The following EEFSEC variants were observed in gnomAD, a reference collection of about 807,000 sequenced individuals.
EEFSEC encodes eukaryotic elongation factor, selenocysteine-tRNA specific.
A neutral mutation model predicts 42.1 loss-of-function variants in EEFSEC; 43 were observed. That is an observed-to-expected ratio of 1.02 (90% CI 0.80 to 1.32). The LOEUF is 1.32. Ranked by LOEUF, EEFSEC falls within the 40% of genes most tolerant of loss-of-function variation. The pLI, the probability that EEFSEC is intolerant of heterozygous loss-of-function variation, is 0.00. For missense variants in EEFSEC, 745 were observed against 803.6 expected, an observed-to-expected ratio of 0.93 and a Z score of 0.88; for synonymous variants, 354 against 339.1, an observed-to-expected ratio of 1.04 and a Z score of -0.48.
intron 2 of EEFSEC, among the ~76,000 whole-genome samples, chr3:128,253,497 A>G (rs370545064): frequency 1.3e-5 from 2 of 152,190 alleles, no homozygotes; most frequent in African/African-American, 4.8e-5. Flanking sequence ...TTGAGATGGT[A>G]TGGACACCAC....
chr3:128,254,313 G>A (rs934481176), intron 2 of EEFSEC, among the ~76,000 whole-genome samples: 1 of 152,206 alleles, frequency 6.6e-6, no homozygotes, highest in Non-Finnish European at 1.5e-5. Context: ...CCAGGAACTG[G>A]CCACTGGGAA....
chr3:128,161,694 C>T (rs1254530276), intron 1 of EEFSEC, among the ~76,000 whole-genome samples: 1 of 152,154 alleles, frequency 6.6e-6, no homozygotes, highest in Non-Finnish European at 1.5e-5. Flanking sequence ...TTTTTCCAGC[C>T]TTCTGTGTTC....
intron 5 of EEFSEC, among the ~76,000 whole-genome samples, chr3:128,344,313 C>T (rs1405202719): frequency 1.3e-5 from 2 of 152,208 alleles, no homozygotes; most frequent in Non-Finnish European, 2.9e-5. Flanking sequence ...GTTTAATAAC[C>T]CTGAGGAAGA....
intron 4 of EEFSEC, among the ~76,000 whole-genome samples, chr3:128,299,884 C>T (rs901352541): frequency 2.6e-5 from 4 of 152,236 alleles, no homozygotes; most frequent in Admixed American, 1.3e-4. Flanking sequence ...AGGAGCACCT[C>T]GTGCACTCTT....
intron 5 of EEFSEC, among the ~76,000 whole-genome samples, chr3:128,354,973 A>T (rs978141185): frequency 2.0e-5 from 3 of 152,176 alleles, no homozygotes; most frequent in Admixed American, 2.0e-4. Context: ...TCCCAGGTAG[A>T]TAGGAGGAAA....
At chr3:128,246,808 T>G (rs1362511863) in intron 1 of EEFSEC, 28 bp from the exon 2 acceptor site, 4 of 1,611,632 alleles carry the variant, frequency 2.5e-6, no homozygotes, top group Middle Eastern at 2.0e-4. Context: ...CCCTTTTCCC[T>G]TTCTAACCTT....
intron 4 of EEFSEC, among the ~76,000 whole-genome samples, chr3:128,310,097 G>A (rs560451623): frequency 1.3e-5 from 2 of 152,326 alleles, no homozygotes; most frequent in African/African-American, 4.8e-5. Flanking sequence ...GTGCTTTTCA[G>A]GGAGAAAAGC....
At chr3:128,366,866 G>A (rs2067596113) in intron 6 of EEFSEC, among the ~76,000 whole-genome samples, 1 of 152,214 alleles carries the variant, frequency 6.6e-6, no homozygotes, top group Non-Finnish European at 1.5e-5. Context: ...TCATGGGGCT[G>A]TTGGGTTGGT....
At chr3:128,325,909 A>G (rs1220463748) in intron 4 of EEFSEC, among the ~76,000 whole-genome samples, 1 of 152,238 alleles carries the variant, frequency 6.6e-6, no homozygotes, top group Non-Finnish European at 1.5e-5. Flanking sequence ...TCTTTTGCCT[A>G]TCCTAAATAA....
chr3:128,259,157 G>A (rs1326057071), intron 2 of EEFSEC, among the ~76,000 whole-genome samples: 1 of 152,202 alleles, frequency 6.6e-6, no homozygotes, highest in Admixed American at 6.5e-5. Flanking sequence ...TCGGTAAAAG[G>A]TCCTGTCTCT....
At chr3:128,405,258 C>T (rs899933021) in intron 6 of EEFSEC, among the ~76,000 whole-genome samples, 6 of 152,130 alleles carry the variant, frequency 3.9e-5, no homozygotes, top group South Asian at 2.1e-4. Flanking sequence ...CCTCATGATC[C>T]ACCCACCTCG....
At chr3:128,310,121 A>G (rs111731604) in intron 4 of EEFSEC, among the ~76,000 whole-genome samples, 2,094 of 152,340 alleles carry the variant, frequency 0.014, 27 homozygotes, top group Non-Finnish European at 0.019. Context: ...TGTCACCATT[A>G]TCATCTGGAT....
intron 6 of EEFSEC, among the ~76,000 whole-genome samples, chr3:128,407,275 C>T (rs1221116360): frequency 1.3e-5 from 2 of 152,186 alleles, no homozygotes; most frequent in African/African-American, 4.8e-5. Context: ...AGCTGGAAAG[C>T]GGTGGGGGCT....
Position 128,246,978 on chromosome 3 carries a change from A to G in EEFSEC, c.459A>G (p.Glu153=), listed in dbSNP as rs1482850766. 1 of 1,614,092 alleles carries G rather than the reference A, an allele frequency of 6.2e-7. No individual in the cohort carries two copies. Among genetic ancestry groups the G allele is most frequent in the Non-Finnish European group, 8.5e-7 (1 of 1,180,048 alleles). The part of the protein sequence containing the change: ...VVLNKIDLLP[E]GKRQAAIDKM... ...TGAACAAAATAGACCTCTTACCTGAAGGAAAGAGACAGGCAGCAATTGATA... is the reference window on the plus strand; with the variant it reads ...TGAACAAAATAGACCTCTTACCTGAGGGAAAGAGACAGGCAGCAATTGATA... The change falls in exon 2 of 7, where the codon GAA becomes GAG. Residue 153 remains glutamate (E), a synonymous_variant. Transcript: ENST00000254730.
At chr3:128,380,087 C>A (rs1003812630) in intron 6 of EEFSEC, among the ~76,000 whole-genome samples, 1 of 152,194 alleles carries the variant, frequency 6.6e-6, no homozygotes, top group Non-Finnish European at 1.5e-5. Flanking sequence ...CAGGGCCTGA[C>A]CACAGAGCTC....
chr3:128,232,204 G>C (rs2065965651), intron 1 of EEFSEC, among the ~76,000 whole-genome samples: 1 of 152,138 alleles, frequency 6.6e-6, no homozygotes, highest in African/African-American at 2.4e-5. Flanking sequence ...AGTTGGGCAG[G>C]GGGTGGGGGG....
Position 128,318,700 on chromosome 3 carries a change from G to T in EEFSEC, c.787-22533G>T, listed in dbSNP as rs113134458. On this transcript the variant is annotated intron_variant, in intron 4 of 6. Coordinates refer to ENST00000254730, the MANE Select transcript of EEFSEC (RefSeq NM_021937.5). Reference sequence around the variant, plus strand: ...TCAGTGTCACCTATTTGCCAGCATGGCTGCCCATGGCAAGCCATTCTGGTC... The same window carrying T: ...TCAGTGTCACCTATTTGCCAGCATGTCTGCCCATGGCAAGCCATTCTGGTC... Among the ~76,000 whole-genome samples the T allele has an allele frequency of 6.8e-3, 1,041 of 152,342 alleles. 6 individuals carry two copies. Among genetic ancestry groups the T allele is most frequent in the Non-Finnish European group, 0.011 (742 of 68,026 alleles).
At chr3:128,345,046 C>T (rs1173448813) in intron 5 of EEFSEC, among the ~76,000 whole-genome samples, 1 of 152,164 alleles carries the variant, frequency 6.6e-6, no homozygotes, top group Non-Finnish European at 1.5e-5. Flanking sequence ...CAGACTGGTC[C>T]AATGTGCAAG....
intron 6 of EEFSEC, among the ~76,000 whole-genome samples, chr3:128,391,254 G>A (rs1365152100): frequency 2.6e-5 from 4 of 152,272 alleles, no homozygotes; most frequent in Non-Finnish European, 5.9e-5. Context: ...GCAGTGGCTG[G>A]TGCTGTGCTC....
Sources: allele counts gnomAD v4.1 joint callset (sites outside exome capture counted in the v4.1 genomes callset), GRCh38; gene constraint gnomAD v4.1.1; transcripts MANE v1.5; gene names NCBI Gene and HGNC (gene_info 2026-07-23, HGNC 2026-07-21).